Variants in EDDM13 observed in about 807,000 individuals in gnomAD.
The protein encoded by EDDM13 is epididymal protein 13.
EDDM13 carries 24 observed loss-of-function variants against 17.8 expected under a neutral mutation model. The observed-to-expected ratio is 1.35, with a 90% CI of 0.98 to 1.90. The LOEUF is 1.90. Among genes scored for constraint, EDDM13 ranks in the 40% most tolerant of loss-of-function variants. EDDM13 has a pLI of 0.00. For synonymous variants in EDDM13, 31 were observed against 37.5 expected, an observed-to-expected ratio of 0.83 and a Z score of 0.63; for missense variants, 97 against 100.8, an observed-to-expected ratio of 0.96 and a Z score of 0.16.
chr19:56,301,955 C>G lies in EDDM13; in HGVS notation c.296-13C>G. The G allele has an allele frequency of 8.1e-7, 1 of 1,232,054 alleles. No individual in the cohort carries two copies. Among genetic ancestry groups the G allele is most frequent in the Non-Finnish European group, 1.0e-6 (1 of 988,188 alleles). The allele number at this position is 1,232,054 out of a possible 1,614,324, so 76.3% of individuals were successfully genotyped here. On this transcript the variant is annotated splice_polypyrimidine_tract_variant and intron_variant, in intron 12 of 14. Coordinates refer to ENST00000649256, the MANE Select transcript of EDDM13 (RefSeq NM_001354658.2). ...AGGCCATCAGCATCAATCATCTCCA[C>G]GGTTCTCTCCAGTTAAACCCTTCTC...
At chr19:56,303,833 G>C (rs2040503824) in intron 13 of EDDM13, among the ~76,000 whole-genome samples, 1 of 152,006 alleles carries the variant, frequency 6.6e-6, no homozygotes, top group South Asian at 2.1e-4. Context: ...GGACATAAGA[G>C]ATGAGACAGT....
At chr19:56,285,897 T>C (rs2147107292) in intron 6 of EDDM13, among the ~76,000 whole-genome samples, 1 of 152,370 alleles carries the variant, frequency 6.6e-6, no homozygotes, top group East Asian at 1.9e-4. Flanking sequence ...AAAAGGGAAA[T>C]GGCTGGGTCA....
At chr19:56,286,925 C>T (rs1327423414) in intron 6 of EDDM13, among the ~76,000 whole-genome samples, 3 of 152,242 alleles carry the variant, frequency 2.0e-5, no homozygotes, top group African/African-American at 7.2e-5. Flanking sequence ...CAGCACACAC[C>T]ACCCAGGACA....
intron 1 of EDDM13, 79 bp downstream of exon 1, chr19:56,272,998 A>G (rs2037964462): frequency 1.8e-6 from 1 of 542,038 alleles, no homozygotes; most frequent in African/African-American, 2.1e-5. Flanking sequence ...GGATTCAGAG[A>G]GAAGCTCCTG....
At chr19:56,296,477 C>T (rs1024558680) in intron 11 of EDDM13, 115 bp downstream of exon 11, 4 of 152,170 alleles carry the variant, frequency 2.6e-5, no homozygotes, top group East Asian at 1.9e-4. Context: ...ACTCTTTATC[C>T]GTATCATCAT....
intron 2 of EDDM13, among the ~76,000 whole-genome samples, 27 bp downstream of exon 2, chr19:56,276,136 G>A (rs945247400): frequency 1.3e-5 from 2 of 152,218 alleles, no homozygotes; most frequent in African/African-American, 4.8e-5. Flanking sequence ...CCCCAAGTCT[G>A]TATTTTCATA....
At chr19:56,293,651 G>A (rs1305226270) in intron 9 of EDDM13, among the ~76,000 whole-genome samples, 3 of 152,200 alleles carry the variant, frequency 2.0e-5, no homozygotes, top group Non-Finnish European at 2.9e-5. Context: ...ATATGGTTGT[G>A]AGGAGTAAAC....
intron 2 of EDDM13, among the ~76,000 whole-genome samples, chr19:56,278,944 G>A (rs571981692): frequency 1.6e-4 from 24 of 152,164 alleles, no homozygotes; most frequent in Non-Finnish European, 3.2e-4. Context: ...CTCACCCACC[G>A]TGAGGGTGGA....
intron 2 of EDDM13, among the ~76,000 whole-genome samples, chr19:56,277,186 T>C (rs953378685): frequency 1.3e-5 from 2 of 152,198 alleles, no homozygotes; most frequent in African/African-American, 2.4e-5. Context: ...GCTCTAGGTA[T>C]GTGCCCAAGA....
chr19:56,292,471 T>C (rs905453061), intron 9 of EDDM13, among the ~76,000 whole-genome samples: 2 of 151,488 alleles, frequency 1.3e-5, no homozygotes, highest in South Asian at 4.2e-4. Flanking sequence ...TTTTTTTTTT[T>C]ACTTTTTTGT....
intron 14 of EDDM13, among the ~76,000 whole-genome samples, chr19:56,308,178 C>T (rs1032637484): frequency 4.6e-5 from 7 of 152,152 alleles, no homozygotes; most frequent in African/African-American, 1.4e-4. Context: ...GGACTACAGG[C>T]GAGTGCCACC....
At chr19:56,281,324 T>A (rs1300800330) in intron 2 of EDDM13, among the ~76,000 whole-genome samples, 1 of 151,174 alleles carries the variant, frequency 6.6e-6, no homozygotes, top group Non-Finnish European at 1.5e-5. Flanking sequence ...ACCATGTAGT[T>A]CAAACCTGTA....
At chr19:56,302,575 TCCTCCCCCTTTTCTTCCTCTC>T (rs2040374832) in intron 13 of EDDM13, among the ~76,000 whole-genome samples, 1 of 53,600 alleles carries the variant, frequency 1.9e-5, no homozygotes, top group Non-Finnish European at 3.0e-5. Context: ...TTCCTTTTCT[TCCTCCCCCTTTTCTTCCTCTC>T]CCTCTTCTTC....
intron 6 of EDDM13, among the ~76,000 whole-genome samples, chr19:56,285,227 T>C (rs1453176730): frequency 1.3e-5 from 2 of 152,234 alleles, no homozygotes; most frequent in African/African-American, 2.4e-5. Context: ...CTAATAATTA[T>C]TATGCTGTGG....
At chr19:56,302,331 C>CT (rs1220330517) in intron 13 of EDDM13, among the ~76,000 whole-genome samples, 1 of 140,906 alleles carries the variant, frequency 7.1e-6, no homozygotes, top group African/African-American at 2.6e-5. Context: ...CCTCCCCTTC[C>CT]TCCTTCCCTT....
chr19:56,299,511 C>T (rs1055256376), intron 12 of EDDM13, among the ~76,000 whole-genome samples: 1 of 151,962 alleles, frequency 6.6e-6, no homozygotes, highest in Non-Finnish European at 1.5e-5. Context: ...GGAATAGCCA[C>T]CAAAAACTTA....
chr19:56,285,680 T>C (rs764282219), intron 6 of EDDM13, among the ~76,000 whole-genome samples: 2 of 152,168 alleles, frequency 1.3e-5, no homozygotes, highest in Admixed American at 6.5e-5. Context: ...AGAATTTCAC[T>C]ATGTCGGCCA....
chr19:56,294,104 C>T (rs2039700000), intron 9 of EDDM13, among the ~76,000 whole-genome samples: 1 of 152,206 alleles, frequency 6.6e-6, no homozygotes, highest in African/African-American at 2.4e-5. Context: ...AAAGCAGACC[C>T]AGCAGGAAAA....
intron 13 of EDDM13, among the ~76,000 whole-genome samples, chr19:56,304,243 A>G (rs777255214): frequency 3.3e-5 from 5 of 152,136 alleles, no homozygotes; most frequent in Non-Finnish European, 5.9e-5. Flanking sequence ...GTTCTAAAGG[A>G]ACTGCTTATG....
Sources: allele counts gnomAD v4.1 joint callset (sites outside exome capture counted in the v4.1 genomes callset), GRCh38; gene constraint gnomAD v4.1.1; transcripts MANE v1.5; gene names NCBI Gene and HGNC (gene_info 2026-07-23, HGNC 2026-07-21).